DGKB: variants seen among roughly 807,000 people sequenced by gnomAD.
DGKB encodes 90 kDa diacylglycerol kinase.
Under a neutral mutation model 114.3 loss-of-function variants are expected in DGKB, and 67 were observed. That is an observed-to-expected ratio of 0.59 (90% CI 0.48 to 0.72). The LOEUF (loss-of-function observed/expected upper bound fraction) is 0.72. Among genes scored for constraint, DGKB ranks in the 30% least tolerant of loss-of-function variants. The probability of loss-of-function intolerance (pLI) is 0.00; values close to 1 mark genes in which losing one functional copy is unlikely to be tolerated. For synonymous variants in DGKB, 398 were observed against 323.1 expected (o/e 1.23, Z -2.49); for missense variants, 907 against 975.2 (o/e 0.93, Z 0.93).
At chr7:14,866,713 G>A (rs534240478) in intron 1 of DGKB, among the ~76,000 whole-genome samples, 115 of 152,088 alleles carry the variant, frequency 7.6e-4, no homozygotes, top group Middle Eastern at 3.4e-3. Flanking sequence ...AGATTTTTGT[G>A]GAAATAATTT....
intron 12 of DGKB, among the ~76,000 whole-genome samples, chr7:14,680,261 C>T (rs1307814647): frequency 6.6e-6 from 1 of 151,858 alleles, no homozygotes; most frequent in East Asian, 1.9e-4. Context: ...GGATTTAAGA[C>T]ATTTGCTGTT....
At chr7:14,790,074 C>T (rs1285061028) in intron 2 of DGKB, among the ~76,000 whole-genome samples, 1 of 152,172 alleles carries the variant, frequency 6.6e-6, no homozygotes, top group Non-Finnish European at 1.5e-5. Flanking sequence ...TGCTTATTTA[C>T]CATCTGAATA....
chr7:14,327,756 T>C (rs1441603872), intron 23 of DGKB, among the ~76,000 whole-genome samples: 1 of 152,078 alleles, frequency 6.6e-6, no homozygotes, highest in African/African-American at 2.4e-5. Flanking sequence ...AGTGAGGTTG[T>C]GAAAAAAAGA....
Position 14,718,635 on chromosome 7 carries a change from CAGG to C in DGKB, c.370_372del (p.Pro124del), listed in dbSNP as rs753224486. 7.4e-6 allele frequency: 12 copies of C among 1,612,072 alleles called. No homozygotes were observed. The highest frequency in any genetic ancestry group is 1.6e-4 in the Middle Eastern group (1 of 6,080). On this transcript the variant is annotated inframe_deletion, in exon 6 of 26. Transcript: ENST00000402815. The stretch of plus-strand genomic sequence containing the variant: ...ATTACTTCTGGGGAACACGTATTTG[CAGG>C]AGAAGTAGTCCGGGGAGGGGTGATG...
At chr7:14,342,515 A>T (rs1489472778) in intron 22 of DGKB, among the ~76,000 whole-genome samples, 2 of 151,970 alleles carry the variant, frequency 1.3e-5, no homozygotes, top group Non-Finnish European at 2.9e-5. Context: ...AAGATAAATG[A>T]ATATCTTTAA....
At chr7:14,312,366 G>C (rs1805543050) in intron 23 of DGKB, among the ~76,000 whole-genome samples, 2 of 152,166 alleles carry the variant, frequency 1.3e-5, no homozygotes, top group African/African-American at 4.8e-5. Flanking sequence ...GTTAACATTT[G>C]CACTGATGAA....
chr7:14,299,991 C>T (rs1365882770), intron 23 of DGKB, among the ~76,000 whole-genome samples: 1 of 152,034 alleles, frequency 6.6e-6, no homozygotes, highest in East Asian at 1.9e-4. Context: ...TCCTCTATAA[C>T]ACGGGATAGA....
At chr7:14,222,163 T>G (rs368976576) in intron 23 of DGKB, among the ~76,000 whole-genome samples, 13 of 150,954 alleles carry the variant, frequency 8.6e-5, no homozygotes, top group African/African-American at 3.1e-4. Flanking sequence ...TCTGCCTTAA[T>G]CTTTGTTTTT....
chr7:14,251,273 C>A (rs558829927), intron 23 of DGKB, among the ~76,000 whole-genome samples: 8 of 152,070 alleles, frequency 5.3e-5, no homozygotes, highest in Admixed American at 1.3e-4. Flanking sequence ...ATTCATTTCT[C>A]TTTTGTGTAT....
chr7:14,883,553 A>T (rs1444073024), intron 1 of DGKB, among the ~76,000 whole-genome samples: 2 of 152,000 alleles, frequency 1.3e-5, no homozygotes, highest in Non-Finnish European at 2.9e-5. Flanking sequence ...TATAGAGATG[A>T]TAGAGTTAGT....
chr7:14,493,622 C>T (rs1017142196), intron 20 of DGKB, among the ~76,000 whole-genome samples: 5 of 151,956 alleles, frequency 3.3e-5, no homozygotes, highest in African/African-American at 9.7e-5. Context: ...GCATATTCAA[C>T]GTGGATTCCC....
At chr7:14,566,747 G>A (rs1315152184) in intron 20 of DGKB, among the ~76,000 whole-genome samples, 2 of 152,026 alleles carry the variant, frequency 1.3e-5, no homozygotes, top group African/African-American at 4.8e-5. Context: ...CATTGACCTA[G>A]CAGAGCTTTG....
At chr7:14,252,906 A>C (rs1298403043) in intron 23 of DGKB, among the ~76,000 whole-genome samples, 1 of 152,016 alleles carries the variant, frequency 6.6e-6, no homozygotes, top group South Asian at 2.1e-4. Flanking sequence ...GTAAGGGGAA[A>C]ATGTTCTTTC....
At chr7:14,407,919 A>T (rs1341817012) in intron 21 of DGKB, among the ~76,000 whole-genome samples, 1 of 152,060 alleles carries the variant, frequency 6.6e-6, no homozygotes, top group Non-Finnish European at 1.5e-5. Flanking sequence ...GCCCCTACAC[A>T]GAAGACCTTA....
chr7:14,626,625 T>G (rs1248495500), intron 14 of DGKB, among the ~76,000 whole-genome samples: 1 of 152,194 alleles, frequency 6.6e-6, no homozygotes, highest in African/African-American at 2.4e-5. Context: ...TTAATCAATA[T>G]GGACTGAACG....
intron 20 of DGKB, among the ~76,000 whole-genome samples, chr7:14,517,077 C>A (rs1788925786): frequency 6.6e-6 from 1 of 151,994 alleles, no homozygotes; most frequent in South Asian, 2.1e-4. Context: ...CACAGTAACC[C>A]AATCCGCATG....
At chr7:14,362,653 A>C (rs1490680436) in intron 21 of DGKB, among the ~76,000 whole-genome samples, 3 of 108,054 alleles carry the variant, frequency 2.8e-5, no homozygotes, top group South Asian at 3.2e-4. Context: ...TAAAAACCCA[A>C]AAAAAATGCA....
rs73052909 is a variant in DGKB at position 14,813,440 on chromosome 7, C to T, written c.70+27754G>A. ...AATCTGCAGCACAACCTCAGGCTAGCGGAGTGTGCCTGAGAGCCACCAGAA... is the reference window on the plus strand; with the variant it reads ...AATCTGCAGCACAACCTCAGGCTAGTGGAGTGTGCCTGAGAGCCACCAGAA... On this transcript the variant is annotated intron_variant, in intron 2 of 25. Transcript: ENST00000402815. 1.8e-3 allele frequency among the ~76,000 whole-genome samples: 267 copies of T among 152,224 alleles called. 1 individual carries two copies. In the Middle Eastern group the frequency reaches 0.02, roughly 12 times the overall value.
intron 21 of DGKB, among the ~76,000 whole-genome samples, chr7:14,351,824 C>A (rs1813494557): frequency 6.6e-6 from 1 of 152,136 alleles, no homozygotes; most frequent in Admixed American, 6.6e-5. Flanking sequence ...ACCCGAAATT[C>A]TACACATGTT....
Sources: gnomAD v4.1 joint callset for allele counts (sites outside exome capture counted in the v4.1 genomes callset) on GRCh38, gnomAD v4.1.1 for gene constraint, MANE v1.5 for transcripts, NCBI Gene and HGNC (gene_info 2026-07-23, HGNC 2026-07-21) for gene names.